The following ZNF723 variants were observed in gnomAD, a reference collection of about 807,000 sequenced individuals.
ZNF723 encodes the protein zinc finger protein 723, pseudogene.
ZNF723 carries 5 observed loss-of-function variants against 9.4 expected under a neutral mutation model. The observed-to-expected ratio is 0.53, with a 90% CI of 0.28 to 1.12. The LOEUF is 1.12. Ranked by LOEUF, ZNF723 falls within the 50% of genes most tolerant of loss-of-function variation. The probability of loss-of-function intolerance (pLI) is 0.10; values close to 1 mark genes in which losing one functional copy is unlikely to be tolerated. For synonymous variants in ZNF723, 158 were observed against 168.8 expected (o/e 0.94, Z 0.49); for missense variants, 450 against 501.5 (o/e 0.90, Z 0.98).
chr19:22,849,334 G>A (rs1016657771), intron 3 of ZNF723, 41 bp downstream of exon 3: 29 of 510,606 alleles, frequency 5.7e-5, no homozygotes, highest in Middle Eastern at 2.9e-4. Context: ...CAGATAAGAC[G>A]TCCAAAGGTC....
At chr19:22,849,537 T>G (rs1432986441) in intron 3 of ZNF723, among the ~76,000 whole-genome samples, 2 of 152,202 alleles carry the variant, frequency 1.3e-5, no homozygotes, top group African/African-American at 2.4e-5. Flanking sequence ...AGCCAAAGTC[T>G]TCTTCATGGC....
chr19:22,857,433 C>G lies in ZNF723; in HGVS notation c.542C>G (p.Ser181Ter), dbSNP rs1009051368. 3.2e-6 allele frequency: 3 copies of G among 934,220 alleles called. No homozygotes were observed. Among genetic ancestry groups the G allele is most frequent in the Admixed American group, 3.7e-5 (2 of 54,302 alleles). The allele number at this position is 934,220 out of a possible 1,614,324, so 57.9% of individuals were successfully genotyped here. A position where few individuals can be genotyped will look rare whatever the true frequency, so the allele number is the denominator to read the frequency against. The change falls in exon 4 of 4, where the codon TCA becomes TGA. Residue 181 changes from serine (S) to a stop codon, truncating the protein, a stop_gained. Coordinates refer to ENST00000600766, the MANE Select transcript of ZNF723 (RefSeq NM_001349726.2). LOFTEE classifies it low-confidence loss of function (END_TRUNC). ...TTCAAATGTAAAGAATGTGGCAAAT[C>G]ATTTTGCATGCTTTCACACCTAACT... ...NSFKCKECGKSFCMLSHLTKH... is the reference protein window; with the variant it reads ...NSFKCKECGK
chr19:22,812,231 A>G, the ZNF723 span, among the ~76,000 whole-genome samples: 1 of 152,112 alleles, frequency 6.6e-6, no homozygotes, highest in South Asian at 2.1e-4. Flanking sequence ...TCAGCCTCCT[A>G]AAGTGCTGGG....
chr19:22,828,369 AGTTG>A (rs1967059254), upstream of ZNF723, among the ~76,000 whole-genome samples: 1 of 152,170 alleles, frequency 6.6e-6, no homozygotes, highest in Non-Finnish European at 1.5e-5. Flanking sequence ...TAAAAAACAA[AGTTG>A]GCGGGGGGTG....
At chr19:22,824,839 G>T in the ZNF723 span, among the ~76,000 whole-genome samples, 1 of 152,202 alleles carries the variant, frequency 6.6e-6, no homozygotes, top group African/African-American at 2.4e-5. Flanking sequence ...GAACCCAACT[G>T]ACAGGTGTAA....
chr19:22,832,283 G>A (rs1039062879), upstream of ZNF723: 5 of 1,211,350 alleles, frequency 4.1e-6, no homozygotes, highest in African/African-American at 6.1e-5. Flanking sequence ...TCCGGGATTT[G>A]GCGCGGCCTT....
chr19:22,834,875 T>A (rs1424879286), intron 1 of ZNF723, among the ~76,000 whole-genome samples: 1 of 151,958 alleles, frequency 6.6e-6, no homozygotes, highest in Non-Finnish European at 1.5e-5. Context: ...CTGACCCCAG[T>A]GAGAAAGTGC....
At chr19:22,845,099 A>G (rs1967291837) in intron 1 of ZNF723, among the ~76,000 whole-genome samples, 1 of 152,182 alleles carries the variant, frequency 6.6e-6, no homozygotes, top group African/African-American at 2.4e-5. Context: ...AGCCTGGGTG[A>G]CAGAGCGAGA....
chr19:22,814,310 C>T, the ZNF723 span, among the ~76,000 whole-genome samples: 1,453 of 152,278 alleles, frequency 9.5e-3, 15 homozygotes, highest in Middle Eastern at 0.037. Context: ...CAAAGAGTGA[C>T]GTAATAGGGC....
chr19:22,838,974 T>C (rs1354167671), intron 1 of ZNF723, among the ~76,000 whole-genome samples: 1 of 152,072 alleles, frequency 6.6e-6, no homozygotes, highest in Non-Finnish European at 1.5e-5. Flanking sequence ...CTCGAACTCC[T>C]TACCTTAGGT....
At chr19:22,832,483 A>G in intron 1 of ZNF723, 101 bp downstream of exon 1, 2 of 1,200,492 alleles carry the variant, frequency 1.7e-6, no homozygotes, top group Non-Finnish European at 1.2e-6. Context: ...TGTCAGCCCC[A>G]CAATCTGCGC....
At chr19:22,829,565 G>A (rs1273112995), upstream of ZNF723, among the ~76,000 whole-genome samples, 1 of 152,134 alleles carries the variant, frequency 6.6e-6, no homozygotes, top group African/African-American at 2.4e-5. Flanking sequence ...GATTACAGGC[G>A]TGAACAACCA....
chr19:22,832,993 T>C (rs1967116725), intron 1 of ZNF723, among the ~76,000 whole-genome samples: 1 of 152,194 alleles, frequency 6.6e-6, no homozygotes, highest in African/African-American at 2.4e-5. Context: ...TAATCAGAGC[T>C]TAATTAGCTG....
chr19:22,843,281 G>A (rs1442448764), intron 1 of ZNF723, among the ~76,000 whole-genome samples: 1 of 152,176 alleles, frequency 6.6e-6, no homozygotes, highest in Non-Finnish European at 1.5e-5. Flanking sequence ...ACAATAAGCT[G>A]GGTGTCTTTG....
the ZNF723 span, among the ~76,000 whole-genome samples, chr19:22,814,133 G>A: frequency 6.6e-6 from 1 of 152,140 alleles, no homozygotes; most frequent in African/African-American, 2.4e-5. Flanking sequence ...TTTAAATGAA[G>A]CTCATAGGAA....
At chr19:22,818,688 A>T in the ZNF723 span, among the ~76,000 whole-genome samples, 1 of 152,164 alleles carries the variant, frequency 6.6e-6, no homozygotes, top group African/African-American at 2.4e-5. Context: ...GAGTGATTTT[A>T]CTTTCCTGTA....
intron 3 of ZNF723, among the ~76,000 whole-genome samples, chr19:22,851,044 G>T (rs1599479288): frequency 6.6e-6 from 1 of 152,042 alleles, no homozygotes; most frequent in East Asian, 1.9e-4. Flanking sequence ...ATAAATGTAG[G>T]CAGATTTAAG....
chr19:22,857,275 A>T lies in ZNF723; in HGVS notation c.384A>T (p.Gly128=). 1 of 817,396 alleles carries T rather than the reference A, an allele frequency of 1.2e-6. No homozygotes were observed. The highest frequency in any genetic ancestry group is 1.4e-5 in the South Asian group (1 of 73,384). The allele number at this position is 817,396 out of a possible 1,614,324, so 50.6% of individuals were successfully genotyped here. A position where few individuals can be genotyped will look rare whatever the true frequency, so the allele number is the denominator to read the frequency against. Residue 128 remains glycine (G), a synonymous_variant, in exon 4 of 4, where the codon GGA becomes GGT. Transcript: ENST00000600766. ...TGGATGAGTGTAAGATGCACAAAGG[A>T]GGTTATGATGAACTTAAGCAATGTT... ...ESVDECKMHK[G]GYDELKQCLT...
intron 1 of ZNF723, among the ~76,000 whole-genome samples, chr19:22,843,846 A>T (rs1321396215): frequency 6.7e-6 from 1 of 149,772 alleles, no homozygotes; most frequent in African/African-American, 2.6e-5. Flanking sequence ...ATTAGTATGC[A>T]TTATATAATG....
Sources: gnomAD v4.1 joint callset for allele counts (sites outside exome capture counted in the v4.1 genomes callset) on GRCh38, gnomAD v4.1.1 for gene constraint, MANE v1.5 for transcripts, NCBI Gene and HGNC (gene_info 2026-07-23, HGNC 2026-07-21) for gene names.